CFTR: variants seen among roughly 807,000 people sequenced by gnomAD.
CFTR encodes CF transmembrane conductance regulator.
CFTR carries 181 observed loss-of-function variants against 171.6 expected under a neutral mutation model. The observed-to-expected ratio is 1.05, with a 90% CI of 0.93 to 1.19. The LOEUF (loss-of-function observed/expected upper bound fraction) is 1.19, where lower values mean the gene tolerates loss of function less well. Among genes scored for constraint, CFTR ranks in the 50% most tolerant of loss-of-function variants. The pLI, the probability that CFTR is intolerant of heterozygous loss-of-function variation, is 0.00. For missense variants in CFTR, 1,968 were observed against 1,734.7 expected, an observed-to-expected ratio of 1.13 and a Z score of -2.39; for synonymous variants, 583 against 608.0, an observed-to-expected ratio of 0.96 and a Z score of 0.60.
chr7:117,645,065 T>C (rs1384592520), intron 23 of CFTR, among the ~76,000 whole-genome samples: 1 of 152,188 alleles, frequency 6.6e-6, no homozygotes, highest in African/African-American at 2.4e-5. Context: ...AACGAGTCTT[T>C]ATGATCTGAA....
intron 2 of CFTR, among the ~76,000 whole-genome samples, chr7:117,508,794 A>G (rs1268533373): frequency 6.6e-6 from 1 of 152,246 alleles, no homozygotes; most frequent in South Asian, 2.1e-4. Flanking sequence ...TTTAACACAT[A>G]CAATGTGGCC....
intron 3 of CFTR, among the ~76,000 whole-genome samples, chr7:117,522,167 T>C (rs1403062872): frequency 3.3e-5 from 5 of 152,194 alleles, no homozygotes; most frequent in African/African-American, 1.2e-4. Flanking sequence ...ACCCAGATGA[T>C]CTTCTGAACT....
intron 22 of CFTR, among the ~76,000 whole-genome samples, chr7:117,631,137 C>T (rs901901696): frequency 2.1e-4 from 32 of 152,216 alleles, no homozygotes; most frequent in South Asian, 1.9e-3. Context: ...TGTGCCCAAC[C>T]TCCAATTTTG....
chr7:117,492,938 A>T (rs35248762), intron 1 of CFTR, among the ~76,000 whole-genome samples: 13 of 151,934 alleles, frequency 8.6e-5, no homozygotes, highest in African/African-American at 2.7e-4. Context: ...TTTCAGTGTG[A>T]TGTGGTTGAA....
At position 117,502,022 on chromosome 7, in the gene CFTR, T is replaced by G. The variant is rs35861262; in HGVS notation, c.54-2231T>G. On this transcript the variant is annotated intron_variant, in intron 1 of 26. Coordinates refer to ENST00000003084, the MANE Select transcript of CFTR (RefSeq NM_000492.4). ...TTAAAATGATGACGATGAGAGTATT[T>G]ATATCATAGAAATTGGCAAATGCCG... Among the ~76,000 whole-genome samples, 48 of 152,204 alleles carry G rather than the reference T, an allele frequency of 3.2e-4. 1 individual carries two copies. The highest frequency in any genetic ancestry group is 2.8e-3 in the Admixed American group (42 of 15,272).
intron 17 of CFTR, among the ~76,000 whole-genome samples, 181 bp downstream of exon 17, chr7:117,603,963 A>G (rs1399323759): frequency 1.3e-5 from 2 of 152,176 alleles, no homozygotes; most frequent in African/African-American, 2.4e-5. Flanking sequence ...TGTTGCTCCT[A>G]ATATTTCTGT....
intron 3 of CFTR, among the ~76,000 whole-genome samples, chr7:117,515,105 G>A (rs979775639): frequency 6.6e-6 from 1 of 152,030 alleles, no homozygotes; most frequent in Non-Finnish European, 1.5e-5. Flanking sequence ...TAGGTTGCCT[G>A]TTCACTCTGA....
Position 117,492,460 on chromosome 7 carries a change from A to G in CFTR, c.54-11793A>G, listed in dbSNP as rs1798175234. Among the ~76,000 whole-genome samples, 4 of 151,946 alleles carry G rather than the reference A, an allele frequency of 2.6e-5. No homozygotes were observed. In the South Asian group the frequency reaches 8.3e-4, roughly 31 times the overall value. ...CCAAACATATCATGTTTGTGTAATTAATTGATTGACCCATTAATTTGTTCA... is the reference window on the plus strand; with the variant it reads ...CCAAACATATCATGTTTGTGTAATTGATTGATTGACCCATTAATTTGTTCA... On this transcript the variant is annotated intron_variant, in intron 1 of 26. Transcript: ENST00000003084.
rs1301494410 is a variant in CFTR at position 117,658,487 on chromosome 7, CT to C, written c.3963+5559del. Among the ~76,000 whole-genome samples, 3 of 152,222 alleles carry C rather than the reference CT, an allele frequency of 2.0e-5. No homozygotes were observed. The East Asian group carries it at 5.8e-4, about 29-fold the overall frequency. ...TGGGAAATTTCATGTGTCCTTTTGGCTTTAATTAATATCTCTATTTTGATGA... is the reference window on the plus strand; with the variant it reads ...TGGGAAATTTCATGTGTCCTTTTGGCTTAATTAATATCTCTATTTTGATGA... On this transcript the variant is annotated intron_variant, in intron 24 of 26. Coordinates refer to ENST00000003084, the MANE Select transcript of CFTR (RefSeq NM_000492.4).
chr7:117,593,640 G>T (rs213970), intron 14 of CFTR, among the ~76,000 whole-genome samples: 4 of 151,976 alleles, frequency 2.6e-5, no homozygotes, highest in Non-Finnish European at 2.9e-5. Flanking sequence ...CTGTCACCTA[G>T]GCTGGAGTGC....
At chr7:117,530,347 G>A (rs1798838669) in intron 3 of CFTR, among the ~76,000 whole-genome samples, 1 of 152,110 alleles carries the variant, frequency 6.6e-6, no homozygotes, top group African/African-American at 2.4e-5. Flanking sequence ...TAGTTGCCTT[G>A]AGAAGCTAAG....
At chr7:117,489,464 C>T (rs897124588) in intron 1 of CFTR, among the ~76,000 whole-genome samples, 9 of 151,990 alleles carry the variant, frequency 5.9e-5, no homozygotes, top group Non-Finnish European at 7.4e-5. Flanking sequence ...AAAGCAAGTA[C>T]GCATGATAAA....
intron 24 of CFTR, among the ~76,000 whole-genome samples, chr7:117,656,649 A>T (rs1388670605): frequency 6.6e-6 from 1 of 152,220 alleles, no homozygotes; most frequent in Non-Finnish European, 1.5e-5. Flanking sequence ...ATTTTAAAAA[A>T]TAAGCATTAT....
intron 11 of CFTR, among the ~76,000 whole-genome samples, chr7:117,563,705 C>A (rs1027601547): frequency 6.6e-6 from 1 of 152,110 alleles, no homozygotes; most frequent in East Asian, 1.9e-4. Flanking sequence ...GAGGATGCCA[C>A]TAGGTGAGGT....
At chr7:117,567,607 T>C (rs1242775573) in intron 11 of CFTR, among the ~76,000 whole-genome samples, 1 of 152,232 alleles carries the variant, frequency 6.6e-6, no homozygotes, top group Non-Finnish European at 1.5e-5. Flanking sequence ...TATGGAAACA[T>C]CGTGTTTGGC....
At position 117,483,351 on chromosome 7, in the gene CFTR, C is replaced by T. The variant is rs35653285; in HGVS notation, c.53+3204C>T. Among the ~76,000 whole-genome samples, 727 of 152,176 alleles carry T rather than the reference C, an allele frequency of 4.8e-3. 5 individuals carry two copies. The highest frequency in any genetic ancestry group is 0.016 in the African/African-American group (682 of 41,532). On this transcript the variant is annotated intron_variant, in intron 1 of 26. Coordinates refer to ENST00000003084, the MANE Select transcript of CFTR (RefSeq NM_000492.4). ...TATTTTATTGTTATTGTTTTATATT[C>T]ATAGCTTGCTTTAGATTAAAAATTA...
chr7:117,596,387 C>T (rs563183309), intron 15 of CFTR, among the ~76,000 whole-genome samples: 1 of 152,252 alleles, frequency 6.6e-6, no homozygotes. Context: ...AGCCTCCCCC[C>T]AACCTGCCGC....
At chr7:117,640,372 C>G (rs1792892045) in intron 22 of CFTR, among the ~76,000 whole-genome samples, 1 of 152,034 alleles carries the variant, frequency 6.6e-6, no homozygotes, top group South Asian at 2.1e-4. Flanking sequence ...AAAGCTAAAC[C>G]AAAGATTTAC....
chr7:117,592,410 T>C lies in CFTR; in HGVS notation c.2243T>C (p.Ile748Thr). The change falls in exon 14 of 27, where the codon ATA becomes ACA. Residue 748 changes from isoleucine to threonine, a missense_variant. Coordinates refer to ENST00000003084, the MANE Select transcript of CFTR (RefSeq NM_000492.4). ...LVPDSEQGEA[I>T]LPRISVISTG... is the part of the protein sequence containing the mutation. ...CCAGATTCTGAGCAGGGAGAGGCGATACTGCCTCGCATCAGCGTGATCAGC... is the reference window on the plus strand; with the variant it reads ...CCAGATTCTGAGCAGGGAGAGGCGACACTGCCTCGCATCAGCGTGATCAGC... 1 of 1,613,662 alleles carries C rather than the reference T, an allele frequency of 6.2e-7. No individual in the cohort carries two copies. Among genetic ancestry groups the C allele is most frequent in the Non-Finnish European group, 8.5e-7 (1 of 1,179,774 alleles).
Sources: allele counts gnomAD v4.1 joint callset (sites outside exome capture counted in the v4.1 genomes callset), GRCh38; gene constraint gnomAD v4.1.1; transcripts MANE v1.5; gene names NCBI Gene and HGNC (gene_info 2026-07-23, HGNC 2026-07-21).